The following SFMBT2 variants were observed in gnomAD, a reference collection of about 807,000 sequenced individuals.
The protein encoded by SFMBT2 is scm-like with four MBT domains protein 2.
SFMBT2 carries 38 observed loss-of-function variants against 110.1 expected under a neutral mutation model. The observed-to-expected ratio is 0.35, with a 90% CI of 0.27 to 0.45. SFMBT2 has a LOEUF of 0.45. Ranked by LOEUF, SFMBT2 falls within the 20% of genes least tolerant of loss-of-function variation. The pLI is 1.00. For synonymous variants in SFMBT2, 425 were observed against 425.4 expected (o/e 1.00, Z 0.01); for missense variants, 1,011 against 1,094.9 (o/e 0.92, Z 1.08).
chr10:7,224,715 T>C (rs1179083812), intron 10 of SFMBT2, among the ~76,000 whole-genome samples: 2 of 152,168 alleles, frequency 1.3e-5, no homozygotes, highest in African/African-American at 4.8e-5. Flanking sequence ...CAGCCAATAC[T>C]GAAAACATTA....
intron 1 of SFMBT2, among the ~76,000 whole-genome samples, chr10:7,403,071 C>A (rs1034973357): frequency 1.3e-5 from 2 of 152,150 alleles, no homozygotes; most frequent in Admixed American, 1.3e-4. Context: ...TCAGTTCATA[C>A]GACAGTAAAC....
intron 3 of SFMBT2, among the ~76,000 whole-genome samples, chr10:7,369,222 C>T (rs1165383259): frequency 6.6e-6 from 1 of 151,932 alleles, no homozygotes; most frequent in Non-Finnish European, 1.5e-5. Context: ...AGCCAAGGAG[C>T]CAAAAGGAAG....
At chr10:7,279,217 G>T (rs557232721) in intron 6 of SFMBT2, among the ~76,000 whole-genome samples, 1 of 152,122 alleles carries the variant, frequency 6.6e-6, no homozygotes, top group East Asian at 1.9e-4. Context: ...TTGCCTGCAC[G>T]CTGGCCCAGG....
intron 7 of SFMBT2, among the ~76,000 whole-genome samples, chr10:7,267,967 T>C (rs1472535244): frequency 6.6e-6 from 1 of 152,168 alleles, no homozygotes; most frequent in Non-Finnish European, 1.5e-5. Context: ...AACTAGAAAA[T>C]TGGGAATTGC....
intron 1 of SFMBT2, among the ~76,000 whole-genome samples, chr10:7,395,061 G>A (rs769384965): frequency 6.6e-6 from 1 of 152,208 alleles, no homozygotes; most frequent in Non-Finnish European, 1.5e-5. Context: ...GCTCATGTCT[G>A]TAATCCCAGC....
chr10:7,364,810 C>T (rs11255089), intron 4 of SFMBT2, among the ~76,000 whole-genome samples: 8,827 of 152,304 alleles, frequency 0.058, 841 homozygotes, highest in African/African-American at 0.2. Flanking sequence ...GAACGCAACT[C>T]CCCTGAGTGT....
intron 3 of SFMBT2, among the ~76,000 whole-genome samples, chr10:7,369,156 G>C (rs539016274): frequency 8.3e-4 from 126 of 152,246 alleles, no homozygotes; most frequent in Non-Finnish European, 1.2e-3. Flanking sequence ...GCGAGACTTG[G>C]CTAACAGAAA....
At chr10:7,359,623 C>T (rs1844649713) in intron 4 of SFMBT2, among the ~76,000 whole-genome samples, 1 of 152,138 alleles carries the variant, frequency 6.6e-6, no homozygotes, top group Admixed American at 6.5e-5. Flanking sequence ...TCATGTAGCG[C>T]AGAAAAACCC....
At chr10:7,221,342 G>A (rs765450798) in intron 10 of SFMBT2, among the ~76,000 whole-genome samples, 1 of 151,970 alleles carries the variant, frequency 6.6e-6, no homozygotes, top group African/African-American at 2.4e-5. Flanking sequence ...TGAGGCAGGT[G>A]GATCACTTGA....
intron 1 of SFMBT2, among the ~76,000 whole-genome samples, chr10:7,406,655 T>TA (rs755919441): frequency 4.4e-4 from 67 of 151,890 alleles, no homozygotes; most frequent in South Asian, 1.5e-3. Context: ...CAACCAATGT[T>TA]AAAAAAAATA....
chr10:7,299,802 A>G (rs1244102482), intron 4 of SFMBT2, among the ~76,000 whole-genome samples: 1 of 152,190 alleles, frequency 6.6e-6, no homozygotes, highest in Non-Finnish European at 1.5e-5. Flanking sequence ...AATATAAATC[A>G]TTCTACTAAG....
chr10:7,220,492 C>T lies in SFMBT2; in HGVS notation c.1249G>A (p.Val417Met). ...AGTTCTCCTGGATTCCTGGGGTTCA[C>T]AGCTTCAAGTTTCATGTTCTTTGTG... ...GFTKNMKLEA[V>M]NPRNPGELCV... Residue 417 changes from valine (V) to methionine (M), a missense_variant, in exon 11 of 21, where the codon GTG (valine) becomes ATG (methionine). Coordinates refer to ENST00000397167, the MANE Select transcript of SFMBT2 (RefSeq NM_001387889.1). 1 of 1,614,170 alleles carries T rather than the reference C, an allele frequency of 6.2e-7. No homozygotes were observed. The highest frequency in any genetic ancestry group is 8.5e-7 in the Non-Finnish European group (1 of 1,179,998).
Position 7,220,445 on chromosome 10 carries a change from A to G in SFMBT2, c.1296T>C (p.Ser432=), listed in dbSNP as rs771292088. ...PGELCVASVV[S]VKGRLMWLHL... is the part of the protein sequence containing the mutation. Reference sequence around the variant, plus strand: ...GAAGCCACATTAGCCGCCCCTTCACACTCACAACGGAGGCCACACACAGTT... The same window carrying G: ...GAAGCCACATTAGCCGCCCCTTCACGCTCACAACGGAGGCCACACACAGTT... The change falls in exon 11 of 21, where the codon AGT becomes AGC. Residue 432 remains serine (S), a synonymous_variant. Transcript: ENST00000397167. The G allele has an allele frequency of 7.4e-6, 12 of 1,613,720 alleles. No individual in the cohort carries two copies. Among genetic ancestry groups the G allele is most frequent in the African/African-American group, 1.3e-5 (1 of 74,830 alleles).
chr10:7,371,727 C>CA (rs1318905945), intron 2 of SFMBT2, among the ~76,000 whole-genome samples: 6 of 152,098 alleles, frequency 3.9e-5, no homozygotes, highest in African/African-American at 1.4e-4. Context: ...CAATAATGTC[C>CA]AATGGATGCT....
At chr10:7,305,505 C>G (rs776729832) in intron 4 of SFMBT2, among the ~76,000 whole-genome samples, 5 of 152,168 alleles carry the variant, frequency 3.3e-5, no homozygotes, top group Non-Finnish European at 7.3e-5. Context: ...CTCTGACTTG[C>G]GTAGTATTCA....
At chr10:7,189,923 T>C (rs1198643048) in intron 15 of SFMBT2, among the ~76,000 whole-genome samples, 3 of 152,234 alleles carry the variant, frequency 2.0e-5, no homozygotes, top group African/African-American at 2.4e-5. Context: ...GGATGGAATT[T>C]GCTTGTCACA....
intron 4 of SFMBT2, among the ~76,000 whole-genome samples, chr10:7,355,576 G>C (rs1345680257): frequency 6.6e-6 from 1 of 152,194 alleles, no homozygotes; most frequent in East Asian, 1.9e-4. Flanking sequence ...CCTTTGGGAG[G>C]CCGAGGCGGC....
intron 2 of SFMBT2, among the ~76,000 whole-genome samples, chr10:7,378,323 G>A (rs1845319137): frequency 1.0e-5 from 1 of 100,076 alleles, no homozygotes; most frequent in Non-Finnish European, 2.0e-5. Flanking sequence ...TGGATGGATG[G>A]GTGTGAGTGT....
At chr10:7,220,561 C>T (rs751930977) in intron 10 of SFMBT2, 24 bp from the exon 11 acceptor site, 44 of 1,613,664 alleles carry the variant, frequency 2.7e-5, no homozygotes, top group Non-Finnish European at 3.6e-5. Flanking sequence ...GAGACCAACA[C>T]TGAGCCAGTG....
Sources: gnomAD v4.1 joint callset for allele counts (sites outside exome capture counted in the v4.1 genomes callset) on GRCh38, gnomAD v4.1.1 for gene constraint, MANE v1.5 for transcripts, NCBI Gene and HGNC (gene_info 2026-07-23, HGNC 2026-07-21) for gene names.